The following OTOG variants were observed in gnomAD, a reference collection of about 807,000 sequenced individuals.
The protein encoded by OTOG is otogelin.
OTOG carries 296 observed loss-of-function variants against 313.8 expected under a neutral mutation model. The observed-to-expected ratio is 0.94, with a 90% CI of 0.86 to 1.04. OTOG has a LOEUF of 1.04. Among genes scored for constraint, OTOG ranks in the 50% least tolerant of loss-of-function variants. The pLI is 0.00. For synonymous variants in OTOG, 1,533 were observed against 1,554.9 expected, an observed-to-expected ratio of 0.99 and a Z score of 0.33; for missense variants, 3,948 against 3,840.1, an observed-to-expected ratio of 1.03 and a Z score of -0.74.
intron 15 of OTOG, among the ~76,000 whole-genome samples, chr11:17,566,548 G>A (rs1348261604): frequency 6.6e-6 from 1 of 152,058 alleles, no homozygotes; most frequent in Admixed American, 6.5e-5. Flanking sequence ...CATACTGATG[G>A]TCCAATTCTA....
intron 49 of OTOG, 119 bp from the exon 50 acceptor site, chr11:17,640,626 G>T: frequency 9.0e-7 from 1 of 1,107,138 alleles, no homozygotes; most frequent in Non-Finnish European, 1.3e-6. Flanking sequence ...AGGCCTGCCA[G>T]CCCCCCTCCT....
intron 39 of OTOG, among the ~76,000 whole-genome samples, chr11:17,627,727 G>A (rs919536371): frequency 2.6e-5 from 4 of 152,106 alleles, no homozygotes; most frequent in African/African-American, 9.7e-5. Context: ...TTTCCTTACT[G>A]GGAGACTTTT....
At chr11:17,635,558 C>T (rs1004356557) in intron 46 of OTOG, 52 bp from the exon 47 acceptor site, 6 of 1,428,720 alleles carry the variant, frequency 4.2e-6, no homozygotes, top group African/African-American at 1.4e-5. Context: ...TGCTGTGTGC[C>T]AGGCCCCTAT....
At chr11:17,551,424 AC>A (rs1267447521) in intron 3 of OTOG, among the ~76,000 whole-genome samples, 1 of 151,984 alleles carries the variant, frequency 6.6e-6, no homozygotes, top group East Asian at 1.9e-4. Context: ...TCCTCCTTAG[AC>A]CTGAGGTATC....
At chr11:17,581,552 C>G (rs887094284) in intron 23 of OTOG, among the ~76,000 whole-genome samples, 10 of 152,184 alleles carry the variant, frequency 6.6e-5, no homozygotes, top group African/African-American at 2.2e-4. Context: ...GGTTGGTCCT[C>G]CTTAAATAGG....
At chr11:17,570,079 C>G (rs916564439) in intron 16 of OTOG, 134 bp from the exon 17 acceptor site, 2 of 760,912 alleles carry the variant, frequency 2.6e-6, no homozygotes, top group African/African-American at 1.7e-5. Flanking sequence ...ATGGCAGGCA[C>G]GCAGGCAGGC....
rs1852589645 is a variant in OTOG, at chr11:17,578,474, C to G, written c.2707C>G (p.Leu903Val). 5.8e-6 allele frequency: 9 copies of G among 1,541,080 alleles called. No individual in the cohort carries two copies. The highest frequency in any genetic ancestry group is 2.4e-5 in the East Asian group (1 of 40,904). Reference protein sequence around the residue: ...ERTCEQQLLNLSVSARGPCLS... With the variant: ...ERTCEQQLLNVSVSARGPCLS... ...GACGTGTGAGCAGCAACTGCTGAAC[C>G]TGAGCGTGTCAGCCCGTGGCCCCTG... Residue 903 changes from leucine (L) to valine (V), a missense_variant, in exon 23 of 56, where the codon CTG (leucine) becomes GTG (valine). Physicochemically the swap from Leu to Val is conservative, Grantham distance 32. Coordinates refer to ENST00000399397, the MANE Select transcript of OTOG (RefSeq NM_001292063.2).
intron 29 of OTOG, among the ~76,000 whole-genome samples, chr11:17,596,473 G>T (rs1253998619): frequency 1.3e-5 from 2 of 152,196 alleles, no homozygotes; most frequent in Admixed American, 1.3e-4. Flanking sequence ...TGCCTGTTTT[G>T]CTTCAGTGCA....
intron 4 of OTOG, 56 bp from the exon 5 acceptor site, chr11:17,553,063 C>T: frequency 6.6e-7 from 1 of 1,512,712 alleles, no homozygotes. Flanking sequence ...GGGCTGCCTC[C>T]CTGGGTTCTG....
intron 30 of OTOG, among the ~76,000 whole-genome samples, chr11:17,599,303 G>A (rs1853187548): frequency 6.6e-6 from 1 of 152,086 alleles, no homozygotes; most frequent in South Asian, 2.1e-4. Flanking sequence ...ATTCCTCTGG[G>A]GGCCTTCCGC....
chr11:17,554,517 G>A (rs1448978061), intron 6 of OTOG, among the ~76,000 whole-genome samples: 2 of 152,222 alleles, frequency 1.3e-5, no homozygotes, highest in Non-Finnish European at 2.9e-5. Flanking sequence ...AAGTCTCTTT[G>A]GAGAACCAGC....
intron 18 of OTOG, among the ~76,000 whole-genome samples, chr11:17,572,527 G>A (rs956224596): frequency 1.0e-4 from 15 of 149,418 alleles, no homozygotes; most frequent in African/African-American, 3.0e-4. Context: ...TACTCTCACC[G>A]CCCTCTGCTC....
intron 51 of OTOG, 36 bp from the exon 52 acceptor site, chr11:17,641,811 G>A (rs780737099): frequency 1.4e-6 from 2 of 1,445,352 alleles, no homozygotes; most frequent in Non-Finnish European, 1.9e-6. Context: ...GTGGAGGTGG[G>A]CATCTGGCTG....
intron 18 of OTOG, 105 bp from the exon 19 acceptor site, chr11:17,572,973 G>GCACA: frequency 9.3e-7 from 1 of 1,070,714 alleles, no homozygotes; most frequent in Non-Finnish European, 1.3e-6. Flanking sequence ...TACAGCGTGT[G>GCACA]CACACACACA....
intron 24 of OTOG, among the ~76,000 whole-genome samples, chr11:17,589,032 G>A (rs1417035824): frequency 6.6e-6 from 1 of 151,946 alleles, no homozygotes; most frequent in Non-Finnish European, 1.5e-5. Context: ...TCACTTCCTT[G>A]AGTTTAGCCC....
intron 18 of OTOG, 84 bp from the exon 19 acceptor site, chr11:17,572,994 C>A: frequency 7.8e-7 from 1 of 1,282,262 alleles, no homozygotes; most frequent in Non-Finnish European, 1.1e-6. Context: ...CACCCCTGAG[C>A]CATGGGGAGG....
In OTOG at chr11:17,631,940, C is replaced by T; in HGVS notation, c.6933+18C>T. 6.5e-7 allele frequency: 1 copy of T among 1,548,572 alleles called. No individual in the cohort carries two copies. Among genetic ancestry groups the T allele is most frequent in the Non-Finnish European group, 8.7e-7 (1 of 1,146,790 alleles). ...ACCGCTTTGTATGTGCCAACTGGGT[C>T]CAGCACTGGGGACACCTCCTGGGCT... On this transcript the variant is annotated intron_variant, in intron 41 of 55. Transcript: ENST00000399397.
At chr11:17,574,984 G>A in intron 20 of OTOG, 72 bp downstream of exon 20, 2 of 1,376,074 alleles carry the variant, frequency 1.5e-6, no homozygotes, top group Non-Finnish European at 1.9e-6. Flanking sequence ...ATCTGAGACT[G>A]GGGAACCTGG....
intron 13 of OTOG, 56 bp downstream of exon 13, chr11:17,560,873 C>A (rs1035711460): frequency 7.0e-7 from 1 of 1,424,044 alleles, no homozygotes; most frequent in Non-Finnish European, 9.7e-7. Flanking sequence ...AGGCTTTCCA[C>A]GAGGGCTGCC....
Sources: allele counts gnomAD v4.1 joint callset (sites outside exome capture counted in the v4.1 genomes callset), GRCh38; gene constraint gnomAD v4.1.1; transcripts MANE v1.5; gene names NCBI Gene and HGNC (gene_info 2026-07-23, HGNC 2026-07-21).